CYGB: variants seen among roughly 807,000 people sequenced by gnomAD.
The protein encoded by CYGB is histoglobin.
CYGB carries 13 observed loss-of-function variants against 20.7 expected under a neutral mutation model. The ratio of observed to expected loss-of-function variants is 0.63; its 90% confidence interval spans 0.41 to 1.00. The LOEUF (loss-of-function observed/expected upper bound fraction) is 1.00. Among genes scored for constraint, CYGB ranks in the 50% least tolerant of loss-of-function variants. The probability of loss-of-function intolerance (pLI) is 0.00; values close to 1 mark genes in which losing one functional copy is unlikely to be tolerated. For missense variants in CYGB, 218 were observed against 257.2 expected (o/e 0.85, Z 1.04); for synonymous variants, 93 against 107.4 (o/e 0.87, Z 0.83).
chr17:76,547,152 G>T (rs2075060333), intron 1 of CYGB: 2 of 152,294 alleles, frequency 1.3e-5, no homozygotes, highest in African/African-American at 4.8e-5. Context: ...CTGAGAGGCT[G>T]GTTCTTGCCT....
rs369585330 is a variant in CYGB at position 76,548,048 on chromosome 17, TCACA to T, written c.-53+2810_-53+2813del. Among the ~76,000 whole-genome samples, 486 of 148,842 alleles carry T rather than the reference TCACA, an allele frequency of 3.3e-3. 4 individuals are homozygous for T. Among genetic ancestry groups the T allele is most frequent in the African/African-American group, 0.011 (452 of 40,356 alleles). On this transcript the variant is annotated intron_variant, in intron 1 of 3. Transcript: ENST00000589145. Reference sequence around the variant, plus strand: ...CACAGACATACACATATACGAACATTCACACACATACACACAGACATACATGTAC... The same window carrying T: ...CACAGACATACACATATACGAACATTCACATACACACAGACATACATGTAC...
At position 76,531,451 on chromosome 17, in the gene CYGB, G is replaced by A; in HGVS notation, c.375+9C>T. ...CGGTGGGGGCTCTGCAGCAGATGGG[G>A]GCGCATACCTTGAAGTACACCGGTT... On this transcript the variant is annotated intron_variant, in intron 2 of 3. Coordinates refer to ENST00000293230, the MANE Select transcript of CYGB (RefSeq NM_134268.5). The surrounding 1 kb of genome is among the most constrained non-coding windows in gnomAD (Gnocchi z 7.4). The A allele has an allele frequency of 6.2e-7, 1 of 1,600,606 alleles. No individual in the cohort carries two copies. The highest frequency in any genetic ancestry group is 1.1e-5 in the South Asian group (1 of 90,874).
At chr17:76,537,095 G>A (rs1747323063) in intron 1 of CYGB, among the ~76,000 whole-genome samples, 1 of 152,244 alleles carries the variant, frequency 6.6e-6, no homozygotes, top group Non-Finnish European at 1.5e-5. Context: ...CTGACAGTTT[G>A]GCTGGGTGTC....
intron 1 of CYGB, chr17:76,545,907 C>G (rs116274053): frequency 6.2e-6 from 1 of 160,998 alleles, no homozygotes; most frequent in African/African-American, 2.4e-5. Context: ...GCTGGGCGAC[C>G]GGTAGTTCTG....
At position 76,528,570 on chromosome 17, in the gene CYGB, T is replaced by G. The variant is rs8077736; in HGVS notation, c.*8A>C. The G allele has an allele frequency of 0.45, 574,636 of 1,271,046 alleles. 133,197 individuals are homozygous for G. The highest frequency in any genetic ancestry group is 0.67 in the East Asian group (21,779 of 32,652). The allele number at this position is 1,271,046 out of a possible 1,614,324, so 78.7% of individuals were successfully genotyped here. The stretch of plus-strand genomic sequence containing the variant: ...GTGCTGCCAGGGAGGGGGGTGGAGT[T>G]AGGGGTCCTACGGCCCCGAAGAGGG... On this transcript the variant is annotated 3_prime_UTR_variant, in exon 4 of 4. Transcript: ENST00000293230. The surrounding 1 kb of genome is among the most constrained non-coding windows in gnomAD (Gnocchi z 5.8).
Position 76,537,600 on chromosome 17 carries a change from C to T in CYGB, c.-58G>A. The T allele has an allele frequency of 1.9e-6, 2 of 1,048,592 alleles. No homozygotes were observed. The highest frequency in any genetic ancestry group is 5.7e-5 in the Admixed American group (1 of 17,564). 65.0% of individuals were successfully genotyped at this position (1,048,592 alleles called of 1,614,324 possible). A position where few individuals can be genotyped will look rare whatever the true frequency, so the allele number is the denominator to read the frequency against. ...GCGGCGGCGGTGGCGGGGCGCGGGG[C>T]GCGGGGCGCGGGGCGCCGGGAGCCG... On this transcript the variant is annotated 5_prime_UTR_variant, in exon 1 of 4. Transcript: ENST00000293230.
rs1172585769 is a variant in CYGB, at chr17:76,546,447, GGTT to G, written c.-53+4412_-53+4414del. On this transcript the variant is annotated intron_variant, in intron 1 of 3. Transcript: ENST00000589145. This position sits in a 1 kb window ranked among gnomAD's most constrained non-coding sequence, Gnocchi z 4.5. ...CAAGTGTGCGGTTGTGTGTGTGTGT[GGTT>G]TGTGTGTGTGTGTGTGTGTGTGCGC... 1,918 of 14,524 alleles carry G rather than the reference GGTT, an allele frequency of 0.13. 34 individuals carry two copies. Among genetic ancestry groups the G allele is most frequent in the Non-Finnish European group, 0.4 (1,274 of 3,154 alleles). The allele number at this position is 14,524 out of a possible 1,614,324, so 0.9% of individuals were successfully genotyped here. A position where few individuals can be genotyped will look rare whatever the true frequency, so the allele number is the denominator to read the frequency against.
intron 1 of CYGB, chr17:76,544,202 C>G (rs1343571342): frequency 4.4e-6 from 2 of 454,550 alleles, no homozygotes; most frequent in Non-Finnish European, 8.8e-6. Context: ...ACCCCCCGTG[C>G]CTCTGTGCAC....
At chr17:76,551,172 T>TGCAGA (rs921908545) in exon 1 of CYGB, 3 of 152,184 alleles carry the variant, frequency 2.0e-5, no homozygotes, top group African/African-American at 7.2e-5. Flanking sequence ...AGCTGGAATT[T>TGCAGA]GCAGAGCAGA....
chr17:76,529,479 G>T, intron 3 of CYGB: 1 of 985,442 alleles, frequency 1.0e-6, no homozygotes, highest in Non-Finnish European at 1.2e-6. Context: ...AGCGTGCTGG[G>T]GAACTTGGGC....
intron 1 of CYGB, chr17:76,543,512 T>C (rs962350812): frequency 5.8e-6 from 2 of 347,650 alleles, no homozygotes; most frequent in African/African-American, 4.3e-5. Context: ...ATCCACAATT[T>C]CTAAATGGGG....
At chr17:76,540,039 A>C (rs2074967196), upstream of CYGB, 1 of 1,226,642 alleles carries the variant, frequency 8.2e-7, no homozygotes, top group Admixed American at 2.0e-5. The surrounding 1 kb of genome is among the most constrained non-coding windows in gnomAD (Gnocchi z 5.0). Flanking sequence ...CAGGAACCGC[A>C]GGACAGACGG....
intron 1 of CYGB, among the ~76,000 whole-genome samples, chr17:76,548,255 C>T (rs1230976735): frequency 6.6e-6 from 1 of 152,190 alleles, no homozygotes; most frequent in African/African-American, 2.4e-5. Flanking sequence ...CACAGTCACA[C>T]ACACAGATAC....
In CYGB at chr17:76,537,446, G is replaced by A. The variant is rs749158794; in HGVS notation, c.97C>T (p.Arg33Trp). The change falls in exon 1 of 4, where the codon CGG (arginine) becomes TGG (tryptophan). Residue 33 changes from arginine to tryptophan, a missense_variant. Arg to Trp is a moderately radical substitution (Grantham distance 101, BLOSUM62 -3). Coordinates refer to ENST00000293230, the MANE Select transcript of CYGB (RefSeq NM_134268.5). ...ERKAVQAMWA[R>W]LYANCEDVGV... Reference sequence around the variant, plus strand: ...ACGTCCTCGCAGTTGGCATAGAGCCGGGCCCACATAGCCTGCACCGCCTTC... The same window carrying A: ...ACGTCCTCGCAGTTGGCATAGAGCCAGGCCCACATAGCCTGCACCGCCTTC... The A allele has an allele frequency of 1.3e-6, 2 of 1,598,722 alleles. No individual in the cohort carries two copies. The highest frequency in any genetic ancestry group is 1.4e-5 in the African/African-American group (1 of 72,942).
In CYGB at chr17:76,537,681, G is replaced by C. The variant is rs1460490640; in HGVS notation, c.-139C>G. On this transcript the variant is annotated 5_prime_UTR_variant, in exon 1 of 4. Coordinates refer to ENST00000293230, the MANE Select transcript of CYGB (RefSeq NM_134268.5). ...GGGGTAGAGCGCGGAGGGAGGGAGC[G>C]TGTGTCTGTGCGCGCCGGGTGTGTG... 4.4e-5 allele frequency: 34 copies of C among 773,230 alleles called. No individual in the cohort carries two copies. Among genetic ancestry groups the C allele is most frequent in the South Asian group, 2.8e-4 (5 of 17,870 alleles). The allele number at this position is 773,230 out of a possible 1,614,324, so 47.9% of individuals were successfully genotyped here. A position where few individuals can be genotyped will look rare whatever the true frequency, so the allele number is the denominator to read the frequency against.
At chr17:76,549,409 A>T (rs1309950025) in intron 1 of CYGB, among the ~76,000 whole-genome samples, 1 of 152,258 alleles carries the variant, frequency 6.6e-6, no homozygotes, top group Non-Finnish European at 1.5e-5. Flanking sequence ...GATACTCCAC[A>T]TGCAAATCAA....
chr17:76,530,501 C>T lies in CYGB; in HGVS notation c.539+478G>A, dbSNP rs775787479. Among the ~76,000 whole-genome samples the T allele has an allele frequency of 1.3e-5, 2 of 152,152 alleles. No homozygotes were observed. The highest frequency in any genetic ancestry group is 2.4e-5 in the African/African-American group (1 of 41,420). ...GTGTGTGTGTGTGTGTATGTGTCCT[C>T]GTGATCCTCCGGGCTCTAGCCCTAT... is the stretch of plus-strand genomic sequence containing the variant. On this transcript the variant is annotated intron_variant, in intron 3 of 3. Coordinates refer to ENST00000293230, the MANE Select transcript of CYGB (RefSeq NM_134268.5). This position sits in a 1 kb window ranked among gnomAD's most constrained non-coding sequence, Gnocchi z 6.1.
intron 3 of CYGB, chr17:76,529,048 C>A (rs1255478862): frequency 7.0e-6 from 3 of 431,218 alleles, no homozygotes; most frequent in Non-Finnish European, 6.0e-6. Context: ...CATTGCGCCC[C>A]CCCCCCACCC....
rs935308262 is a variant in CYGB at position 76,533,926 on chromosome 17, G to A, written c.144-2235C>T. 6.6e-6 allele frequency among the ~76,000 whole-genome samples: 1 copy of A among 151,982 alleles called. No individual in the cohort carries two copies. The highest frequency in any genetic ancestry group is 1.5e-5 in the Non-Finnish European group (1 of 68,004). ...CCCGTCTGTAGTCCTAGCTACTTGG[G>A]AGGCTGCAGCAGGAAGATCCGATCG... is the stretch of plus-strand genomic sequence containing the variant. On this transcript the variant is annotated intron_variant, in intron 1 of 3. Coordinates refer to ENST00000293230, the MANE Select transcript of CYGB (RefSeq NM_134268.5). The surrounding 1 kb of genome is among the most constrained non-coding windows in gnomAD (Gnocchi z 4.5).
Sources: gnomAD v4.1 joint callset for allele counts (sites outside exome capture counted in the v4.1 genomes callset) on GRCh38, gnomAD v4.1.1 for gene constraint, Gnocchi (gnomAD v3.1) non-coding constraint, MANE v1.5 for transcripts, NCBI Gene and HGNC (gene_info 2026-07-23, HGNC 2026-07-21) for gene names.